Variants in ERBB4 observed in about 807,000 individuals in gnomAD.
ERBB4 encodes the protein receptor tyrosine-protein kinase erbB-4.
In ERBB4, 42 loss-of-function variants were observed where a neutral mutation model predicts 158.0. The ratio of observed to expected loss-of-function variants is 0.27; its 90% CI spans 0.21 to 0.34. ERBB4 has a LOEUF of 0.34. ERBB4 is among the 10% of genes least tolerant of loss of function. The pLI is 1.00. For synonymous variants in ERBB4, 583 were observed against 558.7 expected, an observed-to-expected ratio of 1.04 and a Z score of -0.61; for missense variants, 1,333 against 1,624.1, an observed-to-expected ratio of 0.82 and a Z score of 3.08.
At chr2:212,515,293 TGGATTTTTA>T (rs1324831929) in intron 1 of ERBB4, among the ~76,000 whole-genome samples, 1 of 152,178 alleles carries the variant, frequency 6.6e-6, no homozygotes, top group Non-Finnish European at 1.5e-5. Flanking sequence ...GAGAGCAGGT[TGGATTTTTA>T]AAAATACTTA....
intron 2 of ERBB4, among the ~76,000 whole-genome samples, chr2:212,012,236 T>C (rs1465645183): frequency 1.3e-5 from 2 of 152,188 alleles, no homozygotes; most frequent in Non-Finnish European, 2.9e-5. Context: ...CAAGATATTT[T>C]AGGCTCATCC....
chr2:211,632,259 TTTTG>T (rs2070171181), intron 16 of ERBB4, among the ~76,000 whole-genome samples: 1 of 152,086 alleles, frequency 6.6e-6, no homozygotes, highest in Non-Finnish European at 1.5e-5. Flanking sequence ...TGTGATATGT[TTTTG>T]TTTGTGTAAG....
chr2:211,901,876 TTAA>T (rs1339839470), intron 3 of ERBB4, among the ~76,000 whole-genome samples: 1 of 152,180 alleles, frequency 6.6e-6, no homozygotes, highest in Non-Finnish European at 1.5e-5. Flanking sequence ...ATTAATGTAC[TTAA>T]TTTACAATGT....
intron 1 of ERBB4, among the ~76,000 whole-genome samples, chr2:212,233,987 A>T (rs965328203): frequency 2.0e-5 from 3 of 148,524 alleles, no homozygotes; most frequent in Admixed American, 1.4e-4. Flanking sequence ...TATTATTATT[A>T]TTATTATTAT....
intron 3 of ERBB4, among the ~76,000 whole-genome samples, chr2:211,802,424 G>C (rs1172111395): frequency 1.3e-5 from 2 of 152,078 alleles, no homozygotes; most frequent in African/African-American, 4.8e-5. Context: ...ATAATATTTT[G>C]AGAACTTAAC....
intron 1 of ERBB4, among the ~76,000 whole-genome samples, chr2:212,295,008 A>T (rs2086358402): frequency 6.6e-6 from 1 of 152,038 alleles, no homozygotes; most frequent in African/African-American, 2.4e-5. Flanking sequence ...TGGTCTTGTG[A>T]TGAGGCAGCA....
At chr2:212,090,653 A>G (rs1250789535) in intron 2 of ERBB4, among the ~76,000 whole-genome samples, 1 of 152,150 alleles carries the variant, frequency 6.6e-6, no homozygotes, top group Admixed American at 6.6e-5. Context: ...TTCAGAGTTT[A>G]AAAACAAAAC....
chr2:211,811,148 G>A lies in ERBB4; in HGVS notation c.422-22989C>T, dbSNP rs982366981. 1.2e-4 allele frequency among the ~76,000 whole-genome samples: 18 copies of A among 152,222 alleles called. No individual in the cohort carries two copies. The East Asian group carries it at 2.3e-3, about 20-fold the overall frequency. On this transcript the variant is annotated intron_variant, in intron 3 of 27. Transcript: ENST00000342788. ...ATTTGGCATGTTTTTGCAGTGGCTC[G>A]TACTGGTTGTTCCTTTCCATGTTTA... is the stretch of plus-strand genomic sequence containing the variant.
At chr2:212,537,471 C>G (rs1693153708) in intron 1 of ERBB4, among the ~76,000 whole-genome samples, 1 of 152,090 alleles carries the variant, frequency 6.6e-6, no homozygotes, top group Non-Finnish European at 1.5e-5. Context: ...GCGGGCCAGC[C>G]CCGCCGCGCT....
At chr2:211,607,643 A>G (rs1405368919) in intron 19 of ERBB4, among the ~76,000 whole-genome samples, 1 of 152,080 alleles carries the variant, frequency 6.6e-6, no homozygotes, top group Non-Finnish European at 1.5e-5. Flanking sequence ...ACACTATGCC[A>G]TGCTATACAT....
At chr2:212,433,838 A>G (rs2092081903) in intron 1 of ERBB4, among the ~76,000 whole-genome samples, 1 of 152,026 alleles carries the variant, frequency 6.6e-6, no homozygotes, top group Non-Finnish European at 1.5e-5. Context: ...AATATATTCT[A>G]CGCATGGCAG....
intron 1 of ERBB4, among the ~76,000 whole-genome samples, chr2:212,173,096 T>C (rs751639332): frequency 4.6e-5 from 7 of 152,202 alleles, no homozygotes; most frequent in Admixed American, 1.3e-4. Context: ...CAAAGGTCTT[T>C]ATCTACATTA....
chr2:211,869,443 C>G (rs1176800680), intron 3 of ERBB4, among the ~76,000 whole-genome samples: 1 of 152,118 alleles, frequency 6.6e-6, no homozygotes, highest in Non-Finnish European at 1.5e-5. Context: ...CAGTTGCTAT[C>G]CTGTAATAAT....
At chr2:212,214,577 T>C (rs1271231909) in intron 1 of ERBB4, among the ~76,000 whole-genome samples, 5 of 151,756 alleles carry the variant, frequency 3.3e-5, no homozygotes. Flanking sequence ...CACAATAAGA[T>C]ACCATCACAC....
At chr2:212,191,755 GTTATACA>G (rs1309238862) in intron 1 of ERBB4, among the ~76,000 whole-genome samples, 1,857 of 141,982 alleles carry the variant, frequency 0.013, 98 homozygotes, top group African/African-American at 0.041. Context: ...TATAACACGT[GTTATACA>G]TGTTATATAT....
chr2:212,530,740 A>T (rs1692711845), intron 1 of ERBB4, among the ~76,000 whole-genome samples: 1 of 152,186 alleles, frequency 6.6e-6, no homozygotes, highest in African/African-American at 2.4e-5. Flanking sequence ...TCAAAAGATT[A>T]ACACTTGGAT....
rs2125429806 is a variant in ERBB4, at chr2:211,431,011, G to A, written c.2577C>T (p.Ile859=). 6.2e-7 allele frequency: 1 copy of A among 1,613,776 alleles called. No homozygotes were observed. The highest frequency in any genetic ancestry group is 8.5e-7 in the Non-Finnish European group (1 of 1,179,716). ...VLVKSPNHVK[I]TDFGLARLLE... The stretch of plus-strand genomic sequence containing the variant: ...AGAGTCTGGCTAGCCCAAAATCTGT[G>A]ATTTTCACATGGTTTGGAGATTTCA... Residue 859 remains isoleucine, a synonymous_variant, in exon 21 of 28, where the codon ATC becomes ATT. Coordinates refer to ENST00000342788, the MANE Select transcript of ERBB4 (RefSeq NM_005235.3).
chr2:212,408,327 C>T lies in ERBB4; in HGVS notation c.82+130122G>A, dbSNP rs537760980. Among the ~76,000 whole-genome samples, 11 of 152,024 alleles carry T rather than the reference C, an allele frequency of 7.2e-5. No individual in the cohort carries two copies. In the South Asian group the frequency reaches 1.5e-3, roughly 20 times the overall value. On this transcript the variant is annotated intron_variant, in intron 1 of 27. Transcript: ENST00000342788. ...TCATTGTTCAGCTCCCACTTATAAG[C>T]GAGAACATGCGGTGTTTGGTTTTCT...
intron 1 of ERBB4, among the ~76,000 whole-genome samples, chr2:212,537,330 C>A (rs970691602): frequency 6.6e-6 from 1 of 152,072 alleles, no homozygotes; most frequent in African/African-American, 2.4e-5. Flanking sequence ...CAAAAGGCAC[C>A]CCTTGGCCAC....
Sources: allele counts gnomAD v4.1 joint callset (sites outside exome capture counted in the v4.1 genomes callset), GRCh38; gene constraint gnomAD v4.1.1; transcripts MANE v1.5; gene names NCBI Gene and HGNC (gene_info 2026-07-23, HGNC 2026-07-21).